Variants in SGCD observed in about 807,000 individuals in gnomAD.
The protein encoded by SGCD is delta-sarcoglycan.
Under a neutral mutation model 36.6 loss-of-function variants are expected in SGCD, and 18 were observed. That is an observed-to-expected ratio of 0.49 (90% confidence interval 0.34 to 0.73). SGCD has a LOEUF of 0.73. SGCD is among the 30% of genes least tolerant of loss of function. SGCD has a pLI of 0.01. For synonymous variants in SGCD, 133 were observed against 130.6 expected (o/e 1.02, Z -0.12); for missense variants, 387 against 346.7 (o/e 1.12, Z -0.92).
At chr5:156,488,101 T>A (rs911274416) in intron 3 of SGCD, among the ~76,000 whole-genome samples, 78 of 71,942 alleles carry the variant, frequency 1.1e-3, no homozygotes, top group Admixed American at 1.9e-3. Flanking sequence ...AAGACAGGTT[T>A]TTTTTTTTTT....
chr5:156,363,642 C>T (rs542015915), intron 3 of SGCD, among the ~76,000 whole-genome samples: 1 of 152,264 alleles, frequency 6.6e-6, no homozygotes, highest in Admixed American at 6.5e-5. Context: ...GATTCTCTTG[C>T]TGTATAAGCT....
chr5:156,440,133 A>G (rs946864241), intron 3 of SGCD, among the ~76,000 whole-genome samples: 4 of 152,072 alleles, frequency 2.6e-5, no homozygotes, highest in Non-Finnish European at 4.4e-5. Flanking sequence ...ATCATTCCCC[A>G]ATCTCCCCTT....
chr5:155,862,655 T>C, the SGCD span, among the ~76,000 whole-genome samples: 519 of 152,336 alleles, frequency 3.4e-3, 1 homozygote, highest in Non-Finnish European at 6.0e-3. Context: ...TAACTAACTT[T>C]TGAATGCAGC....
chr5:155,849,446 G>GCACACACA, the SGCD span, among the ~76,000 whole-genome samples: 77 of 149,924 alleles, frequency 5.1e-4, no homozygotes, highest in South Asian at 1.5e-3. Context: ...ATGTGCGCGC[G>GCACACACA]CACACACACA....
intron 3 of SGCD, among the ~76,000 whole-genome samples, chr5:156,477,887 T>A (rs976570147): frequency 1.1e-4 from 16 of 152,270 alleles, no homozygotes; most frequent in African/African-American, 3.8e-4. Flanking sequence ...GTTCCATGAA[T>A]GGTTAACAGT....
the SGCD span, among the ~76,000 whole-genome samples, chr5:155,854,589 G>T: frequency 1.1e-4 from 16 of 152,164 alleles, no homozygotes; most frequent in East Asian, 3.1e-3. Context: ...AAATGTTTCT[G>T]CTATTAAGAA....
chr5:156,080,816 C>T (rs540939135), intron 1 of SGCD, among the ~76,000 whole-genome samples: 1 of 152,242 alleles, frequency 6.6e-6, no homozygotes, highest in South Asian at 2.1e-4. Flanking sequence ...ATCCTTTAAC[C>T]AGTCTTTAAA....
intron 1 of SGCD, among the ~76,000 whole-genome samples, chr5:155,878,784 A>G (rs193169783): frequency 2.5e-3 from 385 of 152,262 alleles, no homozygotes; most frequent in Non-Finnish European, 4.7e-3. Context: ...TTCATATCCA[A>G]TAGAATAAAC....
intron 3 of SGCD, among the ~76,000 whole-genome samples, chr5:156,370,229 GA>G (rs1258722952): frequency 6.6e-6 from 1 of 152,174 alleles, no homozygotes; most frequent in Non-Finnish European, 1.5e-5. Context: ...GCAATGACAG[GA>G]AAAGCAAAGA....
chr5:156,627,336 G>A (rs750629432), intron 6 of SGCD, among the ~76,000 whole-genome samples: 3 of 152,070 alleles, frequency 2.0e-5, no homozygotes, highest in Non-Finnish European at 4.4e-5. Flanking sequence ...AGGGTTTTTT[G>A]AGAACTATAA....
chr5:155,939,701 G>A (rs1411701359), intron 1 of SGCD, among the ~76,000 whole-genome samples: 1 of 149,590 alleles, frequency 6.7e-6, no homozygotes, highest in Non-Finnish European at 1.5e-5. Flanking sequence ...AAATCAAAAA[G>A]AATTAAAAAA....
the SGCD span, among the ~76,000 whole-genome samples, chr5:155,850,847 G>A: frequency 6.6e-6 from 1 of 152,128 alleles, no homozygotes; most frequent in Non-Finnish European, 1.5e-5. Context: ...CTGCCTTCAG[G>A]GAAGTCTCAA....
intron 1 of SGCD, among the ~76,000 whole-genome samples, chr5:156,078,543 TTA>T (rs896573507): frequency 2.2e-5 from 3 of 136,810 alleles, no homozygotes; most frequent in Non-Finnish European, 3.1e-5. Flanking sequence ...ATATATTTAT[TTA>T]TATATATATT....
intron 3 of SGCD, among the ~76,000 whole-genome samples, chr5:156,507,035 A>C (rs1756732332): frequency 6.6e-6 from 1 of 152,204 alleles, no homozygotes; most frequent in African/African-American, 2.4e-5. Flanking sequence ...CTGATAGAAG[A>C]ACCTCCCATG....
intron 3 of SGCD, among the ~76,000 whole-genome samples, chr5:156,476,838 A>C (rs1231372788): frequency 6.6e-6 from 1 of 152,166 alleles, no homozygotes; most frequent in Non-Finnish European, 1.5e-5. Flanking sequence ...CACTTGAAAA[A>C]TACACCTCCA....
At chr5:155,758,987 C>T in the SGCD span, among the ~76,000 whole-genome samples, 22 of 151,858 alleles carry the variant, frequency 1.4e-4, no homozygotes, top group Admixed American at 2.0e-4. Context: ...AAAAGCTTTT[C>T]GAGTTTTTAT....
At chr5:155,817,051 T>C in the SGCD span, among the ~76,000 whole-genome samples, 1 of 152,238 alleles carries the variant, frequency 6.6e-6, no homozygotes, top group Admixed American at 6.5e-5. Context: ...ATTTTGCATC[T>C]CTTATTTAAC....
chr5:156,656,544 G>C (rs1483975454), intron 7 of SGCD, among the ~76,000 whole-genome samples: 1 of 152,082 alleles, frequency 6.6e-6, no homozygotes, highest in Non-Finnish European at 1.5e-5. Context: ...ACATATTTCT[G>C]TAACTCCTCA....
intron 6 of SGCD, among the ~76,000 whole-genome samples, chr5:156,610,077 A>G (rs1761708707): frequency 6.6e-6 from 1 of 152,048 alleles, no homozygotes; most frequent in African/African-American, 2.4e-5. Flanking sequence ...GCTTTGTTCC[A>G]TTGCTGGTGA....
Sources: gnomAD v4.1 joint callset for allele counts (sites outside exome capture counted in the v4.1 genomes callset) on GRCh38, gnomAD v4.1.1 for gene constraint, MANE v1.5 for transcripts, NCBI Gene and HGNC (gene_info 2026-07-23, HGNC 2026-07-21) for gene names.